The following SATB2 variants were observed in gnomAD, a reference collection of about 807,000 sequenced individuals.
The protein encoded by SATB2 is DNA-binding protein SATB2.
In SATB2, 1 loss-of-function variant was observed where a neutral mutation model predicts 73.4. That is an observed-to-expected ratio of 0.01 (90% CI 0.00 to 0.06). The LOEUF is 0.06. Ranked by LOEUF, SATB2 falls within the 10% of genes least tolerant of loss-of-function variation. The pLI is 1.00. For synonymous variants in SATB2, 397 were observed against 367.0 expected, an observed-to-expected ratio of 1.08 and a Z score of -0.93; for missense variants, 459 against 945.8, an observed-to-expected ratio of 0.49 and a Z score of 6.75.
intron 3 of SATB2, among the ~76,000 whole-genome samples, chr2:199,400,827 C>T (rs1001536212): frequency 7.9e-5 from 12 of 152,122 alleles, no homozygotes; most frequent in African/African-American, 2.2e-4. Context: ...TTCCACTATA[C>T]CAAGATCTCT....
In SATB2 at chr2:199,270,229, T is replaced by C. The variant is rs184841500; in HGVS notation, c.*1982A>G. 7.5e-4 allele frequency: 115 copies of C among 152,816 alleles called. No homozygotes were observed. The highest frequency in any genetic ancestry group is 1.0e-3 in the Non-Finnish European group (68 of 68,012). The allele number at this position is 152,816 out of a possible 1,614,324, so 9.5% of individuals were successfully genotyped here. On this transcript the variant is annotated 3_prime_UTR_variant, in exon 11 of 11. Transcript: ENST00000417098. ...CTTATGTCAAGATAATTTTTAAACA[T>C]CATTATTTGAAAAAGTACAGGAAAA...
intron 5 of SATB2, among the ~76,000 whole-genome samples, chr2:199,371,547 T>C (rs1689446135): frequency 6.6e-6 from 1 of 152,142 alleles, no homozygotes; most frequent in African/African-American, 2.4e-5. Flanking sequence ...CCTGATAAGA[T>C]ACAGTTGATG....
At chr2:199,324,877 C>T (rs910284507) in intron 8 of SATB2, among the ~76,000 whole-genome samples, 1 of 152,156 alleles carries the variant, frequency 6.6e-6, no homozygotes, top group African/African-American at 2.4e-5. Context: ...CACTACCAGC[C>T]GAATTGGCCT....
In SATB2 at chr2:199,406,665, C is replaced by CCACAGT. The variant is rs1690637651; in HGVS notation, c.347-24846_347-24845insACTGTG. ...GAATAGACTTTTGAGAGACATGAAG[C>CCACAGT]CACAGGTTTCTCTGAGGTACCAAAG... On this transcript the variant is annotated intron_variant, in intron 3 of 10. Coordinates refer to ENST00000417098, the MANE Select transcript of SATB2 (RefSeq NM_001172509.2). Among the ~76,000 whole-genome samples the CCACAGT allele has an allele frequency of 2.0e-5, 3 of 152,128 alleles. No homozygotes were observed. The South Asian group carries it at 6.2e-4, about 32-fold the overall frequency.
chr2:199,386,718 A>G (rs1012955979), intron 3 of SATB2, among the ~76,000 whole-genome samples: 30 of 5,044 alleles, frequency 5.9e-3, no homozygotes, highest in African/African-American at 8.6e-3. Context: ...GCGCGCGCGC[A>G]CACACACACA....
At chr2:199,462,681 G>A (rs917210841), upstream of SATB2, among the ~76,000 whole-genome samples, 6 of 152,196 alleles carry the variant, frequency 3.9e-5, no homozygotes, top group Admixed American at 2.0e-4. The surrounding 1 kb of genome is among the most constrained non-coding windows in gnomAD (Gnocchi z 5.9). Context: ...GGCGGAGAGG[G>A]AAGGAAGCCG....
intron 3 of SATB2, among the ~76,000 whole-genome samples, chr2:199,418,887 T>C (rs1045649472): frequency 1.3e-5 from 2 of 152,118 alleles, no homozygotes; most frequent in Non-Finnish European, 2.9e-5. Flanking sequence ...TCCACTCCCA[T>C]TCCTGCCCAC....
At chr2:199,389,276 G>GA (rs1179394465) in intron 3 of SATB2, among the ~76,000 whole-genome samples, 11 of 152,056 alleles carry the variant, frequency 7.2e-5, no homozygotes. Context: ...CAACTTGTTG[G>GA]AATAAACCTA....
chr2:199,405,440 C>T (rs1559034613), intron 3 of SATB2, among the ~76,000 whole-genome samples: 2 of 152,048 alleles, frequency 1.3e-5, no homozygotes, highest in African/African-American at 4.8e-5. Flanking sequence ...TTTATATGAG[C>T]CCAGGAATCT....
At chr2:199,386,382 A>C (rs570284430) in intron 3 of SATB2, among the ~76,000 whole-genome samples, 1 of 152,276 alleles carries the variant, frequency 6.6e-6, no homozygotes, top group South Asian at 2.1e-4. Context: ...TTCCAAGGGG[A>C]GAAAAAAGAA....
At chr2:199,377,611 G>C (rs1182235557) in intron 5 of SATB2, among the ~76,000 whole-genome samples, 2 of 152,150 alleles carry the variant, frequency 1.3e-5, no homozygotes, top group Admixed American at 6.5e-5. Flanking sequence ...GAAGAAGGTA[G>C]CTCTAGTGAA....
At chr2:199,305,723 A>G (rs1687414220) in intron 10 of SATB2, among the ~76,000 whole-genome samples, 1 of 152,162 alleles carries the variant, frequency 6.6e-6, no homozygotes, top group Non-Finnish European at 1.5e-5. Context: ...TTTTTATTCC[A>G]GTACATCTAT....
At chr2:199,403,047 C>T (rs868853804) in intron 3 of SATB2, among the ~76,000 whole-genome samples, 8 of 152,276 alleles carry the variant, frequency 5.3e-5, no homozygotes, top group South Asian at 2.1e-4. Context: ...GAAGATCAAT[C>T]ATGAATTTGT....
intron 10 of SATB2, among the ~76,000 whole-genome samples, chr2:199,296,416 C>T (rs932020871): frequency 4.6e-5 from 7 of 152,060 alleles, no homozygotes; most frequent in Non-Finnish European, 7.4e-5. Flanking sequence ...GGAGTCCAGG[C>T]GCAGTGGCTC....
upstream of SATB2, chr2:199,467,333 G>T (rs1370120319): frequency 6.6e-6 from 1 of 152,238 alleles, no homozygotes; most frequent in Non-Finnish European, 1.5e-5. Flanking sequence ...GCCAGTTTCC[G>T]CGTGGCGAAA....
At chr2:199,362,276 T>G in intron 6 of SATB2, among the ~76,000 whole-genome samples, 1 of 150,952 alleles carries the variant, frequency 6.6e-6, no homozygotes, top group South Asian at 2.1e-4. Flanking sequence ...GCCCAAAACA[T>G]TCCTCCTTCT....
intron 6 of SATB2, among the ~76,000 whole-genome samples, chr2:199,357,089 T>C (rs12999677): frequency 2.6e-5 from 4 of 152,244 alleles, no homozygotes; most frequent in Admixed American, 6.5e-5. Flanking sequence ...CTGCAGTCTG[T>C]ATTCCGCTGC....
chr2:199,414,660 G>A (rs1004554223), intron 3 of SATB2, among the ~76,000 whole-genome samples: 2 of 152,120 alleles, frequency 1.3e-5, no homozygotes, highest in African/African-American at 4.8e-5. Context: ...GACTCGGTGT[G>A]TCAAAGCGCT....
At chr2:199,335,607 C>G (rs1688315183) in intron 7 of SATB2, among the ~76,000 whole-genome samples, 1 of 152,142 alleles carries the variant, frequency 6.6e-6, no homozygotes, top group Admixed American at 6.5e-5. Flanking sequence ...AGGAATGGTT[C>G]TAAGAAGGCA....
Sources: gnomAD v4.1 joint callset for allele counts (sites outside exome capture counted in the v4.1 genomes callset) on GRCh38, gnomAD v4.1.1 for gene constraint, Gnocchi (gnomAD v3.1) non-coding constraint, MANE v1.5 for transcripts, NCBI Gene and HGNC (gene_info 2026-07-23, HGNC 2026-07-21) for gene names.